Variants in DDX54 observed in about 807,000 individuals in gnomAD.
The protein encoded by DDX54 is DEAD-box helicase 54.
In DDX54, 67 loss-of-function variants were observed where a neutral mutation model predicts 105.5. The observed-to-expected ratio is 0.64, with a 90% CI of 0.52 to 0.78. The LOEUF (loss-of-function observed/expected upper bound fraction) is 0.78. Among genes scored for constraint, DDX54 ranks in the 30% least tolerant of loss-of-function variants. The pLI is 0.00. For synonymous variants in DDX54, 514 were observed against 509.9 expected (o/e 1.01, Z -0.11); for missense variants, 1,206 against 1,230.5 (o/e 0.98, Z 0.30).
chr12:113,173,871 G>A (rs979035615), intron 10 of DDX54, among the ~76,000 whole-genome samples: 2 of 152,132 alleles, frequency 1.3e-5, no homozygotes, highest in East Asian at 1.9e-4. Flanking sequence ...CTTAGAATTG[G>A]TTTGAAATTT....
At chr12:113,172,611 G>A in intron 10 of DDX54, 48 bp from the exon 11 acceptor site, 1 of 1,596,838 alleles carries the variant, frequency 6.3e-7, no homozygotes, top group African/African-American at 1.3e-5. Context: ...ACTTGGAGGA[G>A]AAAGGAAAGG....
At chr12:113,171,345 T>TA (rs1952336988) in intron 11 of DDX54, among the ~76,000 whole-genome samples, 1 of 152,162 alleles carries the variant, frequency 6.6e-6, no homozygotes, top group African/African-American at 2.4e-5. Context: ...CTCACGCCTG[T>TA]AATCACAGCA....
chr12:113,172,692 C>G lies in DDX54; in HGVS notation c.1069-129G>C. The G allele has an allele frequency of 4.3e-6, 5 of 1,167,666 alleles. No individual in the cohort carries two copies. The South Asian group carries it at 7.4e-5, about 17-fold the overall frequency. The allele number at this position is 1,167,666 out of a possible 1,614,324, so 72.3% of individuals were successfully genotyped here. A position where few individuals can be genotyped will look rare whatever the true frequency, so the allele number is the denominator to read the frequency against. ...ACCACGGGTTCTGGAGTCTGGCACCCTTGGTCTGAATCCCAGCTTGCTGGG... is the reference window on the plus strand; with the variant it reads ...ACCACGGGTTCTGGAGTCTGGCACCGTTGGTCTGAATCCCAGCTTGCTGGG... On this transcript the variant is annotated intron_variant, in intron 10 of 19. Coordinates refer to ENST00000306014, the MANE Select transcript of DDX54 (RefSeq NM_024072.4).
Position 113,169,736 on chromosome 12 carries a change from C to T in DDX54, c.1414+34G>A, listed in dbSNP as rs201647953. 2.4e-4 allele frequency: 387 copies of T among 1,607,346 alleles called. 1 individual carries two copies. Among genetic ancestry groups the T allele is most frequent in the East Asian group, 4.0e-4 (18 of 44,720 alleles). The stretch of plus-strand genomic sequence containing the variant: ...GCCAAAACAGGGCCCATGAACTCCA[C>T]GGGGACCCCTATCCCCACCCAGCCT... On this transcript the variant is annotated intron_variant, in intron 12 of 19. Transcript: ENST00000306014.
At chr12:113,171,650 T>C (rs1952341181) in intron 11 of DDX54, among the ~76,000 whole-genome samples, 2 of 148,150 alleles carry the variant, frequency 1.3e-5, no homozygotes, top group Non-Finnish European at 1.5e-5. Flanking sequence ...AGTTGCACAA[T>C]GGGAACAGAC....
In DDX54 at chr12:113,165,656, G is replaced by A; in HGVS notation, c.1707C>T (p.Tyr569=). The part of the protein sequence containing the change: ...RLRLVDSIKN[Y]RSRATIFEIN... Reference sequence around the variant, plus strand: ...CGGCCCCACTCACCGCCCGGGAGCGGTAGTTCTTTATGCTGTCCACCAGCC... The same window carrying A: ...CGGCCCCACTCACCGCCCGGGAGCGATAGTTCTTTATGCTGTCCACCAGCC... Residue 569 remains tyrosine, a synonymous_variant, in exon 14 of 20, where the codon TAC becomes TAT. Coordinates refer to ENST00000306014, the MANE Select transcript of DDX54 (RefSeq NM_024072.4). 1 of 1,611,118 alleles carries A rather than the reference G, an allele frequency of 6.2e-7. No individual in the cohort carries two copies. Among genetic ancestry groups the A allele is most frequent in the South Asian group, 1.1e-5 (1 of 90,758 alleles).
At chr12:113,178,373 G>C (rs924613940) in intron 5 of DDX54, 2 of 152,410 alleles carry the variant, frequency 1.3e-5, no homozygotes, top group African/African-American at 4.8e-5. Context: ...GCCTCTGTGG[G>C]CAATTTATTT....
chr12:113,184,223 G>C lies in DDX54; in HGVS notation c.174+1055C>G, dbSNP rs570409984. ...AGCCTCCTAAAGTGCTGGGATTACAGGCGTGAGCCACCGCGGCCATCCTAA... is the reference window on the plus strand; with the variant it reads ...AGCCTCCTAAAGTGCTGGGATTACACGCGTGAGCCACCGCGGCCATCCTAA... On this transcript the variant is annotated intron_variant, in intron 1 of 19. Coordinates refer to ENST00000306014, the MANE Select transcript of DDX54 (RefSeq NM_024072.4). 7.1e-3 allele frequency among the ~76,000 whole-genome samples: 1,081 copies of C among 152,282 alleles called. 7 individuals are homozygous for C. The highest frequency in any genetic ancestry group is 0.036 in the South Asian group (175 of 4,828).
intron 17 of DDX54, 131 bp downstream of exon 17, chr12:113,162,801 G>A (rs1038167432): frequency 2.0e-5 from 17 of 847,470 alleles, no homozygotes; most frequent in East Asian, 8.4e-5. Flanking sequence ...ATGGAGGGGC[G>A]GCTCACTCAC....
intron 14 of DDX54, among the ~76,000 whole-genome samples, 157 bp downstream of exon 14, chr12:113,165,483 GCTCA>G (rs1952259929): frequency 6.6e-6 from 1 of 151,220 alleles, no homozygotes; most frequent in Non-Finnish European, 1.5e-5. Context: ...GCTATAAGAA[GCTCA>G]GATGAAAATC....
At position 113,158,766 on chromosome 12, in the gene DDX54, G is replaced by T; in HGVS notation, c.*111C>A. The stretch of plus-strand genomic sequence containing the variant: ...CTTTTCACAGATGATGGCTCCTGCA[G>T]GGAGTGCCCCCAGTGCCCAGCACAG... On this transcript the variant is annotated 3_prime_UTR_variant, in exon 20 of 20. Transcript: ENST00000306014. This position sits in a 1 kb window ranked among gnomAD's most constrained non-coding sequence, Gnocchi z 4.9. 8.3e-7 allele frequency: 1 copy of T among 1,211,914 alleles called. No homozygotes were observed. The highest frequency in any genetic ancestry group is 1.1e-6 in the Non-Finnish European group (1 of 880,700). The allele number at this position is 1,211,914 out of a possible 1,614,324, so 75.1% of individuals were successfully genotyped here.
chr12:113,184,943 A>T (rs1356734035), intron 1 of DDX54, among the ~76,000 whole-genome samples: 1 of 152,190 alleles, frequency 6.6e-6, no homozygotes, highest in Non-Finnish European at 1.5e-5. Context: ...TCTCAAAGTC[A>T]GATCTTCTGC....
At chr12:113,167,422 G>T (rs1017979568) in intron 12 of DDX54, among the ~76,000 whole-genome samples, 21 of 152,082 alleles carry the variant, frequency 1.4e-4, no homozygotes, top group Non-Finnish European at 8.8e-5. Flanking sequence ...AACAACAAAA[G>T]AAAAACAAAA....
rs150008291 is a variant in DDX54, at chr12:113,179,563, G to A, written c.376-232C>T. On this transcript the variant is annotated intron_variant, in intron 3 of 19. Transcript: ENST00000306014. ...TTCCATTGCTGGAACACCCTTCTTC[G>A]GAGGAGCCAGACTCTACCTCCCGTC... Among the ~76,000 whole-genome samples, 688 of 152,264 alleles carry A rather than the reference G, an allele frequency of 4.5e-3. 4 individuals are homozygous for A. Among genetic ancestry groups the A allele is most frequent in the African/African-American group, 0.016 (671 of 41,544 alleles).
At position 113,174,960 on chromosome 12, in the gene DDX54, G is replaced by C. The variant is rs762057581; in HGVS notation, c.875-24C>G. The C allele has an allele frequency of 3.1e-6, 5 of 1,612,204 alleles. No individual in the cohort carries two copies. The East Asian group carries it at 6.7e-5, about 22-fold the overall frequency. ...GCCTGCAGGAGACATGGGGGAAAGT[G>C]GGGGAGTCGCAGAGGGACTGGCCCC... On this transcript the variant is annotated intron_variant, in intron 8 of 19. Coordinates refer to ENST00000306014, the MANE Select transcript of DDX54 (RefSeq NM_024072.4).
intron 7 of DDX54, among the ~76,000 whole-genome samples, chr12:113,176,025 C>A (rs1952398429): frequency 6.6e-6 from 1 of 151,900 alleles, no homozygotes; most frequent in Admixed American, 6.6e-5. Flanking sequence ...CCACAACCCC[C>A]TCCCCAACTC....
In DDX54 at chr12:113,159,085, C is replaced by G; in HGVS notation, c.2438G>C (p.Gly813Ala). 6.2e-7 allele frequency: 1 copy of G among 1,605,276 alleles called. No individual in the cohort carries two copies. The highest frequency in any genetic ancestry group is 8.5e-7 in the Non-Finnish European group (1 of 1,176,956). Residue 813 changes from glycine (G) to alanine (A), a missense_variant, in exon 20 of 20, where the codon GGC becomes GCC. By Grantham distance (60) the Gly-to-Ala change is moderately conservative. This residue lies in a region of DDX54 where 961 missense variants were observed against 1,019.1 expected (regional missense o/e 0.94). Transcript: ENST00000306014. ...GQGASRPHAP[G>A]TPAGRVRPEL... is the part of the protein sequence containing the mutation. The stretch of plus-strand genomic sequence containing the variant: ...CGGGCGGACTCGGCCTGCAGGGGTG[C>G]CTGGGGCGTGGGGCCGGGATGCACC...
At chr12:113,166,539 A>G (rs753669445) in intron 12 of DDX54, among the ~76,000 whole-genome samples, 1 of 152,138 alleles carries the variant, frequency 6.6e-6, no homozygotes, top group Non-Finnish European at 1.5e-5. Context: ...CATGTCTACA[A>G]TAAATTTTAA....
chr12:113,172,206 C>T, intron 11 of DDX54, 147 bp downstream of exon 11: 1 of 885,112 alleles, frequency 1.1e-6, no homozygotes, highest in Non-Finnish European at 1.7e-6. Flanking sequence ...AGTTTGAGAC[C>T]AGCTTAAGCA....
Sources: allele counts gnomAD v4.1 joint callset (sites outside exome capture counted in the v4.1 genomes callset), GRCh38; gene constraint gnomAD v4.1.1; regional missense constraint gnomAD v4.1.1; non-coding constraint Gnocchi (gnomAD v3.1); transcripts MANE v1.5; gene names NCBI Gene and HGNC (gene_info 2026-07-23, HGNC 2026-07-21).